Variants in TP53BP1 observed in about 807,000 individuals in gnomAD.
The protein encoded by TP53BP1 is TP53-binding protein 1.
TP53BP1 carries 61 observed loss-of-function variants against 200.8 expected under a neutral mutation model. The ratio of observed to expected loss-of-function variants is 0.30; its 90% CI spans 0.25 to 0.38. TP53BP1 has a LOEUF of 0.38. Among genes scored for constraint, TP53BP1 ranks in the 10% least tolerant of loss-of-function variants. TP53BP1 has a pLI of 1.00. For missense variants in TP53BP1, 2,144 were observed against 2,371.9 expected, an observed-to-expected ratio of 0.90 and a Z score of 2.00; for synonymous variants, 822 against 844.3, an observed-to-expected ratio of 0.97 and a Z score of 0.46.
chr15:43,425,139 G>GCCT (rs1257282897), intron 18 of TP53BP1, among the ~76,000 whole-genome samples: 3 of 152,232 alleles, frequency 2.0e-5, no homozygotes, highest in African/African-American at 7.2e-5. Flanking sequence ...GGACTTCCCA[G>GCCT]CCTCCTAGAC....
intron 1 of TP53BP1, among the ~76,000 whole-genome samples, chr15:43,504,113 C>CA (rs970527348): frequency 6.6e-6 from 1 of 151,792 alleles, no homozygotes; most frequent in African/African-American, 2.4e-5. Flanking sequence ...AGCAAGACCC[C>CA]CCTCCTCATC....
At chr15:43,484,085 CAT>C (rs2079012931) in intron 4 of TP53BP1, among the ~76,000 whole-genome samples, 1 of 152,190 alleles carries the variant, frequency 6.6e-6, no homozygotes, top group African/African-American at 2.4e-5. Flanking sequence ...CACAATGTTT[CAT>C]ATGTTTAAAA....
intron 24 of TP53BP1, 123 bp from the exon 25 acceptor site, chr15:43,409,864 G>A (rs2045058504): frequency 2.1e-6 from 1 of 483,182 alleles, no homozygotes; most frequent in Non-Finnish European, 3.6e-6. Flanking sequence ...TGTCCCCAAA[G>A]ACAGGCCAAG....
intron 11 of TP53BP1, among the ~76,000 whole-genome samples, chr15:43,460,449 G>A (rs2046403487): frequency 6.6e-6 from 1 of 151,962 alleles, no homozygotes; most frequent in South Asian, 2.1e-4. Context: ...TTTGTAGAGA[G>A]GGTCTCATTT....
chr15:43,471,843 T>C (rs2046733369), intron 10 of TP53BP1, among the ~76,000 whole-genome samples: 1 of 152,248 alleles, frequency 6.6e-6, no homozygotes, highest in African/African-American at 2.4e-5. Flanking sequence ...TTACCTGGGT[T>C]TTTGTAGAAT....
At chr15:43,453,891 C>T (rs2046231259) in intron 12 of TP53BP1, among the ~76,000 whole-genome samples, 1 of 151,266 alleles carries the variant, frequency 6.6e-6, no homozygotes, top group African/African-American at 2.4e-5. Context: ...TTAATAATCA[C>T]ACTTAGACAA....
At chr15:43,492,514 T>C (rs1566969079) in intron 1 of TP53BP1, 46 bp from the exon 2 acceptor site, 1 of 1,541,136 alleles carries the variant, frequency 6.5e-7, no homozygotes, top group Admixed American at 1.8e-5. Flanking sequence ...CCTACTAGCC[T>C]TGCTCACGCA....
chr15:43,464,043 G>A (rs2046502395), intron 11 of TP53BP1, among the ~76,000 whole-genome samples: 1 of 152,140 alleles, frequency 6.6e-6, no homozygotes, highest in Non-Finnish European at 1.5e-5. Flanking sequence ...CTGACATTAT[G>A]GGACTCCCAA....
intron 11 of TP53BP1, among the ~76,000 whole-genome samples, chr15:43,463,119 GCCA>G (rs144941828): frequency 0.01 from 1,555 of 152,198 alleles, 32 homozygotes; most frequent in African/African-American, 0.036. Context: ...ACAATGTTAT[GCCA>G]CCACCACCAC....
In TP53BP1 at chr15:43,456,539, T is replaced by C. The variant is rs200524705; in HGVS notation, c.2069A>G (p.Glu690Gly). ...CAGAGAAAGGTGCAACGGAACACTC[T>C]CCATATTTTCTTCTTTGAGTTCCTC... ...QGEELKEENMESVPLHLSLTE... is the reference protein window; with the variant it reads ...QGEELKEENMGSVPLHLSLTE... Residue 690 changes from glutamate to glycine, a missense_variant, in exon 12 of 28, where the codon GAG (glutamate) becomes GGG (glycine). Glu to Gly is a moderately conservative substitution (Grantham distance 98). Coordinates refer to ENST00000382044, the MANE Select transcript of TP53BP1 (RefSeq NM_001141980.3). 62 of 1,611,440 alleles carry C rather than the reference T, an allele frequency of 3.8e-5. No homozygotes were observed. In the Admixed American group the frequency reaches 6.0e-4, roughly 16 times the overall value.
At chr15:43,492,701 A>C (rs2079143833) in intron 1 of TP53BP1, among the ~76,000 whole-genome samples, 1 of 150,440 alleles carries the variant, frequency 6.6e-6, no homozygotes, top group African/African-American at 2.5e-5. Flanking sequence ...ATTTTTCATC[A>C]CCTTCTCGTA....
intron 16 of TP53BP1, among the ~76,000 whole-genome samples, chr15:43,433,349 C>A (rs1238656609): frequency 6.6e-6 from 1 of 152,116 alleles, no homozygotes; most frequent in Non-Finnish European, 1.5e-5. Context: ...TTCCTTTATT[C>A]CACAAGCATT....
intron 17 of TP53BP1, 100 bp downstream of exon 17, chr15:43,432,094 T>G (rs1296981266): frequency 6.7e-7 from 1 of 1,490,538 alleles, no homozygotes; most frequent in East Asian, 2.3e-5. Context: ...TACAAAACTG[T>G]CAAGAATTGT....
intron 1 of TP53BP1, among the ~76,000 whole-genome samples, chr15:43,501,631 T>C (rs1424515791): frequency 6.6e-6 from 1 of 152,204 alleles, no homozygotes; most frequent in Non-Finnish European, 1.5e-5. Flanking sequence ...TCAATCCCCA[T>C]TCCACAAGGC....
At position 43,432,468 on chromosome 15, in the gene TP53BP1, T is replaced by C. The variant is rs748479916; in HGVS notation, c.3401A>G (p.Lys1134Arg). The change falls in exon 17 of 28, where the codon AAA (lysine) becomes AGA (arginine). Residue 1134 changes from lysine (K) to arginine (R), a missense_variant. By Grantham distance (26) the Lys-to-Arg change is conservative. Transcript: ENST00000382044. ...AMVTDVLEDQ[K>R]EGRSTNKENP... Reference sequence around the variant, plus strand: ...TTCCTTATTAGTACTCCGTCCTTCTTTCTGGTCTTCTAGCACATCTGTCAC... The same window carrying C: ...TTCCTTATTAGTACTCCGTCCTTCTCTCTGGTCTTCTAGCACATCTGTCAC... 6 of 1,614,184 alleles carry C rather than the reference T, an allele frequency of 3.7e-6. No homozygotes were observed. Among genetic ancestry groups the C allele is most frequent in the Non-Finnish European group, 4.2e-6 (5 of 1,180,010 alleles).
chr15:43,404,407 C>T lies in TP53BP1; in HGVS notation c.*2976G>A, dbSNP rs751172499. The T allele has an allele frequency of 1.9e-6, 3 of 1,614,096 alleles. No individual in the cohort carries two copies. In the South Asian group the frequency reaches 3.3e-5, roughly 18 times the overall value. The stretch of plus-strand genomic sequence containing the variant: ...TGGAATGACAGCTGAGTCCTTCTCT[C>T]TGCAGGGCTTTAGCCGCCAGTCTTC... On this transcript the variant is annotated 3_prime_UTR_variant, in exon 28 of 28. Coordinates refer to ENST00000382044, the MANE Select transcript of TP53BP1 (RefSeq NM_001141980.3).
chr15:43,422,039 C>T lies in TP53BP1; in HGVS notation c.3916G>A (p.Asp1306Asn), dbSNP rs1171556914. The change falls in exon 19 of 28, where the codon GAT becomes AAT. Residue 1306 changes from aspartate to asparagine, a missense_variant. By Grantham distance (23) the Asp-to-Asn change is conservative. Coordinates refer to ENST00000382044, the MANE Select transcript of TP53BP1 (RefSeq NM_001141980.3). ...GCCTTGGAGGAGAAGGAGCTGATATCCCCCAGGTCACCTGAGGAGCCCCCA... is the reference window on the plus strand; with the variant it reads ...GCCTTGGAGGAGAAGGAGCTGATATTCCCCAGGTCACCTGAGGAGCCCCCA... ...QTGGSSGDLG[D>N]ISSFSSKASS... is the part of the protein sequence containing the mutation. 6.2e-7 allele frequency: 1 copy of T among 1,614,200 alleles called. No homozygotes were observed. Among genetic ancestry groups the T allele is most frequent in the Non-Finnish European group, 8.5e-7 (1 of 1,180,032 alleles).
intron 18 of TP53BP1, among the ~76,000 whole-genome samples, chr15:43,423,068 T>C (rs1407533209): frequency 6.7e-6 from 1 of 148,744 alleles, no homozygotes; most frequent in African/African-American, 2.5e-5. Flanking sequence ...GTTATAAGTA[T>C]CTATAGACTA....
Position 43,407,271 on chromosome 15 carries a change from C to CTA in TP53BP1, c.*110_*111dup, listed in dbSNP as rs999473901. ...TATCATAAAAGTTCAGCAAATAAAA[C>CTA]TATATACAAGATCCATGCAAGGAAT... is the stretch of plus-strand genomic sequence containing the variant. On this transcript the variant is annotated 3_prime_UTR_variant, in exon 28 of 28. Coordinates refer to ENST00000382044, the MANE Select transcript of TP53BP1 (RefSeq NM_001141980.3). 63 of 869,134 alleles carry CTA rather than the reference C, an allele frequency of 7.2e-5. No individual in the cohort carries two copies. In the African/African-American group the frequency reaches 9.7e-4, roughly 13 times the overall value. 53.8% of individuals were successfully genotyped at this position (869,134 alleles called of 1,614,324 possible).
Sources: gnomAD v4.1 joint callset for allele counts (sites outside exome capture counted in the v4.1 genomes callset) on GRCh38, gnomAD v4.1.1 for gene constraint, MANE v1.5 for transcripts, NCBI Gene and HGNC (gene_info 2026-07-23, HGNC 2026-07-21) for gene names.